Variants in GPT2 observed in about 807,000 individuals in gnomAD.
GPT2 encodes glutamic--pyruvic transaminase 2.
In GPT2, 30 loss-of-function variants were observed where a neutral mutation model predicts 56.9. The ratio of observed to expected loss-of-function variants is 0.53; its 90% confidence interval spans 0.39 to 0.72. The LOEUF (loss-of-function observed/expected upper bound fraction) is 0.72, where lower values mean the gene tolerates loss of function less well. Among genes scored for constraint, GPT2 ranks in the 30% least tolerant of loss-of-function variants. GPT2 has a pLI of 0.00. For missense variants in GPT2, 542 were observed against 703.4 expected (o/e 0.77, Z 2.60); for synonymous variants, 271 against 283.1 (o/e 0.96, Z 0.43).
In GPT2 at chr16:46,916,671, T is replaced by G. The variant is rs755387734; in HGVS notation, c.864T>G (p.Phe288Leu). 5 of 1,614,074 alleles carry G rather than the reference T, an allele frequency of 3.1e-6. No homozygotes were observed. Among genetic ancestry groups the G allele is most frequent in the Non-Finnish European group, 4.2e-6 (5 of 1,179,932 alleles). ...SRKCIEDVIH[F>L]AWEEKLFLLA... The stretch of plus-strand genomic sequence containing the variant: ...AGTGCATAGAAGATGTGATCCACTT[T>G]GCCTGGGAAGAGAAGCTCTTTCTCC... The change falls in exon 7 of 12, where the codon TTT becomes TTG. Residue 288 changes from phenylalanine (F) to leucine (L), a missense_variant. Coordinates refer to ENST00000340124, the MANE Select transcript of GPT2 (RefSeq NM_133443.4).
intron 3 of GPT2, among the ~76,000 whole-genome samples, chr16:46,898,204 C>T (rs909817069): frequency 2.0e-5 from 3 of 152,186 alleles, no homozygotes; most frequent in East Asian, 1.9e-4. Context: ...AGCGCCGCCT[C>T]GGGAGATTGC....
chr16:46,913,832 G>A (rs1201556929), intron 6 of GPT2, among the ~76,000 whole-genome samples: 1 of 152,126 alleles, frequency 6.6e-6, no homozygotes, highest in Non-Finnish European at 1.5e-5. Context: ...CAGCACTTTG[G>A]GAAGCTGAGG....
intron 2 of GPT2, among the ~76,000 whole-genome samples, chr16:46,893,665 T>TG (rs1255781481): frequency 6.6e-6 from 1 of 152,136 alleles, no homozygotes; most frequent in African/African-American, 2.4e-5. Context: ...TCCCTAGAGC[T>TG]GGGGGGTTGG....
chr16:46,931,104 A>G lies in GPT2; in HGVS notation c.*2107A>G, dbSNP rs1054538173. ...TGCTGGGCTGTGCCTCAGACAGTGC[A>G]TCACCGGGCACCCAGAGGCTTGCCT... is the stretch of plus-strand genomic sequence containing the variant. On this transcript the variant is annotated 3_prime_UTR_variant, in exon 12 of 12. Coordinates refer to ENST00000340124, the MANE Select transcript of GPT2 (RefSeq NM_133443.4). 3 of 152,254 alleles carry G rather than the reference A, an allele frequency of 2.0e-5. No homozygotes were observed. Among genetic ancestry groups the G allele is most frequent in the African/African-American group, 4.8e-5 (2 of 41,448 alleles). The allele number at this position is 152,254 out of a possible 1,614,324, so 9.4% of individuals were successfully genotyped here.
intron 6 of GPT2, among the ~76,000 whole-genome samples, chr16:46,914,264 C>T (rs765566929): frequency 6.6e-6 from 1 of 152,182 alleles, no homozygotes; most frequent in Non-Finnish European, 1.5e-5. Flanking sequence ...GGGCTGGGTG[C>T]GGTGGCTCAC....
intron 2 of GPT2, among the ~76,000 whole-genome samples, chr16:46,885,794 T>C (rs1243799269): frequency 6.6e-6 from 1 of 152,026 alleles, no homozygotes; most frequent in Non-Finnish European, 1.5e-5. Context: ...AGTTATAGCC[T>C]GGGTGGAATT....
chr16:46,884,884 G>C lies in GPT2; in HGVS notation c.169G>C (p.Val57Leu). ...ILTLESMNPQ[V>L]KAVEYAVRGP... ...CACGCTGGAGTCCATGAACCCGCAGGTGAAGGCGGTGGAGTACGCCGTGCG... is the reference window on the plus strand; with the variant it reads ...CACGCTGGAGTCCATGAACCCGCAGCTGAAGGCGGTGGAGTACGCCGTGCG... The change falls in exon 2 of 12, where the codon GTG becomes CTG. Residue 57 changes from valine (V) to leucine (L), a missense_variant. Coordinates refer to ENST00000340124, the MANE Select transcript of GPT2 (RefSeq NM_133443.4). The C allele has an allele frequency of 1.3e-6, 2 of 1,544,848 alleles. No individual in the cohort carries two copies. Among genetic ancestry groups the C allele is most frequent in the Non-Finnish European group, 1.7e-6 (2 of 1,145,272 alleles).
intron 6 of GPT2, among the ~76,000 whole-genome samples, chr16:46,912,759 A>G (rs1961069708): frequency 1.3e-5 from 2 of 152,196 alleles, no homozygotes; most frequent in Non-Finnish European, 2.9e-5. Flanking sequence ...AGGGCGGGGC[A>G]GGGGATGCCG....
chr16:46,916,597 C>A, intron 6 of GPT2, 31 bp from the exon 7 acceptor site: 1 of 1,542,488 alleles, frequency 6.5e-7, no homozygotes, highest in East Asian at 2.2e-5. Flanking sequence ...GCATTACAAC[C>A]GACATTTTGG....
At chr16:46,896,212 C>T (rs1960683047) in intron 2 of GPT2, among the ~76,000 whole-genome samples, 1 of 152,232 alleles carries the variant, frequency 6.6e-6, no homozygotes, top group Non-Finnish European at 1.5e-5. Flanking sequence ...CTGCATTTCT[C>T]CCAGTGGCTG....
chr16:46,898,877 T>C (rs1213452778), intron 3 of GPT2, among the ~76,000 whole-genome samples: 2 of 146,970 alleles, frequency 1.4e-5, no homozygotes, highest in East Asian at 2.0e-4. Context: ...TATACATATA[T>C]ATATATATAT....
At chr16:46,910,638 C>G (rs1435683994) in intron 6 of GPT2, among the ~76,000 whole-genome samples, 1 of 152,094 alleles carries the variant, frequency 6.6e-6, no homozygotes, top group Non-Finnish European at 1.5e-5. Context: ...CTCTGTGGCT[C>G]CAGGCCTGGC....
chr16:46,889,647 G>A (rs930493286), intron 2 of GPT2, among the ~76,000 whole-genome samples: 1 of 152,184 alleles, frequency 6.6e-6, no homozygotes, highest in Non-Finnish European at 1.5e-5. Flanking sequence ...CACATACGCT[G>A]GGCTCTGCCT....
At chr16:46,884,500 T>G (rs1960440828) in intron 1 of GPT2, 33 bp downstream of exon 1, 4 of 450,502 alleles carry the variant, frequency 8.9e-6, no homozygotes, top group Non-Finnish European at 1.4e-5. Context: ...GCGCAGCCTT[T>G]GCGAAAGCCG....
intron 7 of GPT2, 55 bp from the exon 8 acceptor site, chr16:46,918,564 CTG>C: frequency 6.3e-7 from 1 of 1,593,262 alleles, no homozygotes; most frequent in Non-Finnish European, 8.6e-7. Context: ...CTTGGCCACA[CTG>C]GGCAGCAGCC....
At chr16:46,902,789 G>C (rs575387215) in intron 4 of GPT2, among the ~76,000 whole-genome samples, 105 of 152,072 alleles carry the variant, frequency 6.9e-4, no homozygotes, top group Admixed American at 2.9e-3. Flanking sequence ...CCACGCCTGG[G>C]TAATTTTTGT....
At chr16:46,918,109 C>T (rs975365194) in intron 7 of GPT2, among the ~76,000 whole-genome samples, 7 of 152,238 alleles carry the variant, frequency 4.6e-5, no homozygotes, top group Non-Finnish European at 2.9e-5. Flanking sequence ...AAGAACCAAA[C>T]GGGTATAAAT....
chr16:46,905,719 G>A (rs530164213), intron 4 of GPT2, among the ~76,000 whole-genome samples: 1 of 152,120 alleles, frequency 6.6e-6, no homozygotes, highest in East Asian at 1.9e-4. Context: ...CTTTTTTATG[G>A]AGGTAAAAAT....
At chr16:46,906,819 C>T in intron 4 of GPT2, 23 bp from the exon 5 acceptor site, 1 of 1,611,900 alleles carries the variant, frequency 6.2e-7, no homozygotes, top group African/African-American at 1.3e-5. Flanking sequence ...GCCTCTGTTA[C>T]TGTCTTGCCT....
Sources: gnomAD v4.1 joint callset for allele counts (sites outside exome capture counted in the v4.1 genomes callset) on GRCh38, gnomAD v4.1.1 for gene constraint, MANE v1.5 for transcripts, NCBI Gene and HGNC (gene_info 2026-07-23, HGNC 2026-07-21) for gene names.